The following ATM variants were observed in gnomAD, a reference collection of about 807,000 sequenced individuals.
The protein encoded by ATM is serine-protein kinase ATM.
ATM carries 308 observed loss-of-function variants against 387.0 expected under a neutral mutation model. The observed-to-expected ratio is 0.80, with a 90% confidence interval of 0.73 to 0.87. ATM has a LOEUF of 0.87. Ranked by LOEUF, ATM falls within the 40% of genes least tolerant of loss-of-function variation. The pLI is 0.00. For synonymous variants in ATM, 1,156 were observed against 1,187.3 expected, an observed-to-expected ratio of 0.97 and a Z score of 0.54; for missense variants, 3,312 against 3,560.9, an observed-to-expected ratio of 0.93 and a Z score of 1.78.
chr11:108,264,353 G>C (rs545842670), intron 16 of ATM, among the ~76,000 whole-genome samples: 5 of 152,258 alleles, frequency 3.3e-5, no homozygotes, highest in South Asian at 4.1e-4. Context: ...ATGTAATCCA[G>C]CATGTAAACA....
chr11:108,272,686 T>C (rs1200543066), intron 21 of ATM, 36 bp from the exon 22 acceptor site: 1 of 1,613,510 alleles, frequency 6.2e-7, no homozygotes, highest in Admixed American at 1.7e-5. Flanking sequence ...GTAATTTTTC[T>C]CTATTTCATA....
chr11:108,229,550 A>G, intron 4 of ATM: 2 of 465,260 alleles, frequency 4.3e-6, no homozygotes, highest in Admixed American at 3.8e-5. Flanking sequence ...GAACAAAGAA[A>G]TCTGTAACTG....
intron 1 of ATM, chr11:108,226,672 C>G (rs897720977): frequency 1.3e-5 from 2 of 151,972 alleles, no homozygotes; most frequent in Non-Finnish European, 1.5e-5. Flanking sequence ...GCCTTTGGCT[C>G]AGCAAAATGA....
chr11:108,317,358 A>G lies in ATM; in HGVS notation c.6199-15A>G, dbSNP rs754971874. On this transcript the variant is annotated splice_polypyrimidine_tract_variant and intron_variant, in intron 42 of 62. Coordinates refer to ENST00000675843, the MANE Select transcript of ATM (RefSeq NM_000051.4). Reference sequence around the variant, plus strand: ...TTTGATTACTTAACTTAAAAACAAAATAACTCCTGTTTAGGCCTTGCAGAA... The same window carrying G: ...TTTGATTACTTAACTTAAAAACAAAGTAACTCCTGTTTAGGCCTTGCAGAA... 3 of 1,608,592 alleles carry G rather than the reference A, an allele frequency of 1.9e-6. No individual in the cohort carries two copies. Among genetic ancestry groups the G allele is most frequent in the African/African-American group, 2.7e-5 (2 of 74,758 alleles).
At chr11:108,355,912 T>A (rs1349935378) in intron 61 of ATM, 3 of 152,208 alleles carry the variant, frequency 2.0e-5, no homozygotes, top group Non-Finnish European at 4.4e-5. Flanking sequence ...CGAGGCATCT[T>A]TATAGATCTC....
intron 61 of ATM, among the ~76,000 whole-genome samples, chr11:108,363,908 T>A (rs981550128): frequency 6.6e-6 from 1 of 152,204 alleles, no homozygotes; most frequent in African/African-American, 2.4e-5. Flanking sequence ...TTTCATTAGT[T>A]CATTAATAAA....
rs2135270151 is a variant in ATM, at chr11:108,247,141, G to A, written c.1065+14G>A. 1 of 1,613,162 alleles carries A rather than the reference G, an allele frequency of 6.2e-7. No homozygotes were observed. Among genetic ancestry groups the A allele is most frequent in the Non-Finnish European group, 8.5e-7 (1 of 1,179,558 alleles). ...ATCTGTCACCAGGTACAGTAAGTAG[G>A]TCATGTCACATTTAGAAATTTCCTG... On this transcript the variant is annotated intron_variant, in intron 8 of 62. Transcript: ENST00000675843.
At position 108,293,386 on chromosome 11, in the gene ATM, T is replaced by C; in HGVS notation, c.4685T>C (p.Leu1562Ser). ...AACCTCTATATCACGATTAAGCTTT[T>C]AGATCCTTTTCCTGACCATGTTGTT... ...NENLYITIKL[L>S]DPFPDHVVFK... The change falls in exon 31 of 63, where the codon TTA (leucine) becomes TCA (serine). Residue 1562 changes from leucine (L) to serine (S), a missense_variant. Leu to Ser is a moderately radical substitution (Grantham distance 145, BLOSUM62 -2). Transcript: ENST00000675843. 1.2e-6 allele frequency: 2 copies of C among 1,606,848 alleles called. No homozygotes were observed. The highest frequency in any genetic ancestry group is 4.5e-5 in the East Asian group (2 of 44,720).
intron 59 of ATM, among the ~76,000 whole-genome samples, chr11:108,351,136 A>G (rs2089154844): frequency 6.6e-6 from 1 of 152,232 alleles, no homozygotes; most frequent in South Asian, 2.1e-4. Flanking sequence ...GCTAAGTGAA[A>G]GATTCCAACA....
intron 23 of ATM, among the ~76,000 whole-genome samples, chr11:108,279,834 A>G (rs547701327): frequency 6.6e-6 from 1 of 152,180 alleles, no homozygotes. Context: ...AGAAACCCAA[A>G]ATTTAACTGA....
chr11:108,248,334 GAAAGT>G (rs551880714), intron 8 of ATM, among the ~76,000 whole-genome samples: 97 of 152,100 alleles, frequency 6.4e-4, no homozygotes, highest in African/African-American at 2.2e-3. Flanking sequence ...GAATCCCTTT[GAAAGT>G]AAAGGTTTTT....
intron 42 of ATM, among the ~76,000 whole-genome samples, chr11:108,316,900 T>C (rs558243829): frequency 3.9e-5 from 6 of 152,050 alleles, no homozygotes; most frequent in Admixed American, 2.6e-4. Flanking sequence ...CACTCCAGCC[T>C]GGGCAATAGA....
intron 22 of ATM, among the ~76,000 whole-genome samples, chr11:108,274,244 A>G (rs1011609363): frequency 6.6e-6 from 1 of 151,960 alleles, no homozygotes; most frequent in African/African-American, 2.4e-5. Context: ...TATTGAGTCT[A>G]TTTGATTCTT....
At position 108,316,056 on chromosome 11, in the gene ATM, A is replaced by G. The variant is rs978540099; in HGVS notation, c.6141A>G (p.Val2047=). 2.5e-6 allele frequency: 4 copies of G among 1,614,204 alleles called. No homozygotes were observed. The highest frequency in any genetic ancestry group is 1.7e-5 in the Admixed American group (1 of 60,034). ...AAGCAATGTGGGGCAAAGCCCTAGT[A>G]ACATATGACCTCGAAACAGCAATCC... ...EHEAMWGKAL[V]TYDLETAIPS... The change falls in exon 42 of 63, where the codon GTA becomes GTG. Residue 2047 remains valine (V), a synonymous_variant. Coordinates refer to ENST00000675843, the MANE Select transcript of ATM (RefSeq NM_000051.4).
At chr11:108,323,650 T>G (rs1395604291) in intron 45 of ATM, among the ~76,000 whole-genome samples, 1 of 152,148 alleles carries the variant, frequency 6.6e-6, no homozygotes, top group Non-Finnish European at 1.5e-5. Context: ...TATCAAAATA[T>G]CACACGTACC....
At chr11:108,311,230 C>G (rs973486551) in intron 39 of ATM, among the ~76,000 whole-genome samples, 1 of 152,148 alleles carries the variant, frequency 6.6e-6, no homozygotes, top group African/African-American at 2.4e-5. Flanking sequence ...CCACCTCAGC[C>G]TTTCAAAGTG....
intron 5 of ATM, among the ~76,000 whole-genome samples, chr11:108,243,481 T>C (rs760972901): frequency 2.9e-4 from 44 of 152,058 alleles, no homozygotes; most frequent in Non-Finnish European, 4.7e-4. Flanking sequence ...GGCATGGTTT[T>C]GTGCGCCTGT....
Position 108,331,494 on chromosome 11 carries a change from A to T in ATM, c.7566A>T (p.Gln2522His), listed in dbSNP as rs775621333. Reference sequence around the variant, plus strand: ...ATAAATTTTTGCCTCTTATGTACCAATTGGCTGCTAGAATGGGGACCAAGA... The same window carrying T: ...ATAAATTTTTGCCTCTTATGTACCATTTGGCTGCTAGAATGGGGACCAAGA... ...PTYKFLPLMY[Q>H]LAARMGTKMM... The change falls in exon 51 of 63, where the codon CAA (glutamine) becomes CAT (histidine). Residue 2522 changes from glutamine (Q) to histidine (H), a missense_variant. Coordinates refer to ENST00000675843, the MANE Select transcript of ATM (RefSeq NM_000051.4). 1 of 1,613,492 alleles carries T rather than the reference A, an allele frequency of 6.2e-7. No individual in the cohort carries two copies. Among genetic ancestry groups the T allele is most frequent in the Non-Finnish European group, 8.5e-7 (1 of 1,179,744 alleles).
chr11:108,280,394 C>G (rs374326397), intron 23 of ATM, among the ~76,000 whole-genome samples: 2 of 152,132 alleles, frequency 1.3e-5, no homozygotes, highest in South Asian at 2.1e-4. Context: ...ACCAAAAAGG[C>G]TAACTCTGTC....
Sources: gnomAD v4.1 joint callset for allele counts (sites outside exome capture counted in the v4.1 genomes callset) on GRCh38, gnomAD v4.1.1 for gene constraint, MANE v1.5 for transcripts, NCBI Gene and HGNC (gene_info 2026-07-23, HGNC 2026-07-21) for gene names.